Variants in IFT43 observed in about 807,000 individuals in gnomAD.
The protein encoded by IFT43 is intraflagellar transport 43.
A neutral mutation model predicts 32.3 loss-of-function variants in IFT43; 33 were observed. The observed-to-expected ratio is 1.02, with a 90% CI of 0.77 to 1.37. IFT43 has a LOEUF of 1.37. Among genes scored for constraint, IFT43 ranks in the 40% most tolerant of loss-of-function variants. The probability of loss-of-function intolerance (pLI) is 0.00; values close to 1 mark genes in which losing one functional copy is unlikely to be tolerated. For synonymous variants in IFT43, 93 were observed against 98.2 expected (o/e 0.95, Z 0.31); for missense variants, 274 against 265.9 (o/e 1.03, Z -0.21).
At chr14:76,058,553 C>T in intron 3 of IFT43, 89 bp from the exon 4 acceptor site, 4 of 1,521,382 alleles carry the variant, frequency 2.6e-6, no homozygotes, top group Non-Finnish European at 3.6e-6. Flanking sequence ...ACTAATTTGC[C>T]TCCACTTTTG....
chr14:75,990,135 G>A (rs903997950), intron 2 of IFT43, among the ~76,000 whole-genome samples: 5 of 152,220 alleles, frequency 3.3e-5, no homozygotes, highest in Admixed American at 6.5e-5. Context: ...GGAACTGGAG[G>A]CCACATGCCC....
intron 3 of IFT43, among the ~76,000 whole-genome samples, chr14:76,024,562 G>A (rs1217542668): frequency 6.6e-6 from 1 of 152,230 alleles, no homozygotes; most frequent in Non-Finnish European, 1.5e-5. Context: ...CACATAGGAA[G>A]AGTACTCAGC....
At chr14:76,015,728 C>T (rs1215372371) in intron 2 of IFT43, among the ~76,000 whole-genome samples, 1 of 152,080 alleles carries the variant, frequency 6.6e-6, no homozygotes, top group Non-Finnish European at 1.5e-5. Flanking sequence ...GGATTTTCAC[C>T]CAATAGCCAT....
chr14:76,015,763 C>A (rs1054614339), intron 2 of IFT43, among the ~76,000 whole-genome samples: 4 of 152,120 alleles, frequency 2.6e-5, no homozygotes, highest in African/African-American at 9.7e-5. Context: ...TGTGGTTAAA[C>A]AAGATAAAGC....
In IFT43 at chr14:76,059,186, G is replaced by C; in HGVS notation, c.249-141G>C. Reference sequence around the variant, plus strand: ...ACGGCACACCCAGTGGCCTAATTAGGTTTGACTAAGTTGACAGAGAAAAAC... The same window carrying C: ...ACGGCACACCCAGTGGCCTAATTAGCTTTGACTAAGTTGACAGAGAAAAAC... On this transcript the variant is annotated intron_variant, in intron 4 of 8. Transcript: ENST00000314067. 2.5e-6 allele frequency: 4 copies of C among 1,587,170 alleles called. No homozygotes were observed. The South Asian group carries it at 3.4e-5, about 13-fold the overall frequency.
intron 3 of IFT43, chr14:76,058,131 C>T (rs1307137028): frequency 4.9e-6 from 1 of 205,072 alleles, no homozygotes; most frequent in Non-Finnish European, 9.8e-6. Flanking sequence ...GGCCCTGTCA[C>T]TCCTCACCCA....
At chr14:75,992,397 T>C (rs2035661562) in intron 2 of IFT43, among the ~76,000 whole-genome samples, 1 of 152,196 alleles carries the variant, frequency 6.6e-6, no homozygotes. Flanking sequence ...TAAAGGCATA[T>C]TGGGACAGCA....
chr14:76,082,384 A>T lies in IFT43; in HGVS notation c.368+17A>T, dbSNP rs759453395. 6.7e-6 allele frequency: 10 copies of T among 1,489,636 alleles called. No individual in the cohort carries two copies. The Admixed American group carries it at 1.7e-4, about 25-fold the overall frequency. The allele number at this position is 1,489,636 out of a possible 1,614,324, so 92.3% of individuals were successfully genotyped here. ...CCCTCCCAGGTAGGTTAAATCAGAT[A>T]TGATTGGGGAGGCAAAGAACACGTG... On this transcript the variant is annotated intron_variant, in intron 6 of 8. Coordinates refer to ENST00000314067, the MANE Select transcript of IFT43 (RefSeq NM_001102564.3).
chr14:76,060,829 TCTTCCTTCCTTCCTTC>T (rs145202057), intron 5 of IFT43, among the ~76,000 whole-genome samples: 1 of 130,242 alleles, frequency 7.7e-6, no homozygotes, highest in Non-Finnish European at 1.6e-5. Context: ...TCCCTCCCTT[TCTTCCTTCCTTCCTTC>T]CTTCCTTCCT....
At chr14:76,028,711 T>A (rs961569538) in intron 3 of IFT43, among the ~76,000 whole-genome samples, 1 of 152,148 alleles carries the variant, frequency 6.6e-6, no homozygotes, top group Non-Finnish European at 1.5e-5. Flanking sequence ...CCTCTAATAT[T>A]TGGTTTTCTG....
chr14:76,043,974 G>T (rs1467592321), intron 3 of IFT43, among the ~76,000 whole-genome samples: 1 of 151,830 alleles, frequency 6.6e-6, no homozygotes, highest in East Asian at 1.9e-4. Flanking sequence ...TGCTAGAGTA[G>T]CTCACAACTC....
Position 76,022,412 on chromosome 14 carries a change from A to G in IFT43, c.215+18A>G, listed in dbSNP as rs753218681. ...GCTTCGAAGTGAGTACCAGCAGCTCATAAGAGTATGGGTGGGGGTGCACAC... is the reference window on the plus strand; with the variant it reads ...GCTTCGAAGTGAGTACCAGCAGCTCGTAAGAGTATGGGTGGGGGTGCACAC... On this transcript the variant is annotated intron_variant, in intron 3 of 8. Coordinates refer to ENST00000314067, the MANE Select transcript of IFT43 (RefSeq NM_001102564.3). 4.8e-6 allele frequency: 7 copies of G among 1,458,828 alleles called. No homozygotes were observed. In the Admixed American group the frequency reaches 5.0e-5, roughly 10 times the overall value. The allele number at this position is 1,458,828 out of a possible 1,614,324, so 90.4% of individuals were successfully genotyped here. A position where few individuals can be genotyped will look rare whatever the true frequency, so the allele number is the denominator to read the frequency against.
chr14:76,026,979 G>C (rs1029362683), intron 3 of IFT43, among the ~76,000 whole-genome samples: 2 of 152,158 alleles, frequency 1.3e-5, no homozygotes, highest in African/African-American at 4.8e-5. Flanking sequence ...ACTAATGTAG[G>C]AACAGAAAAC....
chr14:76,074,381 G>A (rs1048824999), intron 5 of IFT43, among the ~76,000 whole-genome samples: 2 of 152,082 alleles, frequency 1.3e-5, no homozygotes, highest in Admixed American at 6.5e-5. Flanking sequence ...GGACCTCCAC[G>A]AGGCTCTGAG....
intron 3 of IFT43, among the ~76,000 whole-genome samples, chr14:76,036,547 G>GGC (rs890659769): frequency 6.6e-6 from 1 of 151,468 alleles, no homozygotes; most frequent in African/African-American, 2.4e-5. Flanking sequence ...TGAAACTACA[G>GGC]GCGCGCGCCA....
intron 3 of IFT43, among the ~76,000 whole-genome samples, chr14:76,032,609 C>T (rs915307684): frequency 3.9e-5 from 6 of 152,218 alleles, no homozygotes; most frequent in African/African-American, 1.4e-4. Flanking sequence ...GAGACACACT[C>T]TCTTATTTAC....
At chr14:76,050,429 T>G (rs55706519) in intron 3 of IFT43, among the ~76,000 whole-genome samples, 48,005 of 146,570 alleles carry the variant, frequency 0.33, 7,874 homozygotes, top group African/African-American at 0.35. Context: ...GTGGTGGGAG[T>G]GTTTGGATGT....
In IFT43 at chr14:76,069,899, C is replaced by T. The variant is rs116220091; in HGVS notation, c.295+10526C>T. On this transcript the variant is annotated intron_variant, in intron 5 of 8. Transcript: ENST00000314067. ...GGAGAGGGCTGTGCTCCTTTGCATC[C>T]TGAGGTCCAGTTTTGGCAGAATTGA... Among the ~76,000 whole-genome samples, 1,336 of 152,296 alleles carry T rather than the reference C, an allele frequency of 8.8e-3. 17 individuals are homozygous for T. Among genetic ancestry groups the T allele is most frequent in the African/African-American group, 0.03 (1,243 of 41,568 alleles).
At chr14:76,032,066 C>G (rs2036518499) in intron 3 of IFT43, among the ~76,000 whole-genome samples, 1 of 152,174 alleles carries the variant, frequency 6.6e-6, no homozygotes, top group South Asian at 2.1e-4. Flanking sequence ...CTTCTACCCC[C>G]TCCCCTAATC....
Sources: gnomAD v4.1 joint callset for allele counts (sites outside exome capture counted in the v4.1 genomes callset) on GRCh38, gnomAD v4.1.1 for gene constraint, MANE v1.5 for transcripts, NCBI Gene and HGNC (gene_info 2026-07-23, HGNC 2026-07-21) for gene names.